The following CRACD variants were observed in gnomAD, a reference collection of about 807,000 sequenced individuals.
CRACD encodes capping protein inhibiting regulator of actin dynamics, also known as capping protein-inhibiting regulator of actin dynamics.
Under a neutral mutation model 106.8 loss-of-function variants are expected in CRACD, and 56 were observed. That is an observed-to-expected ratio of 0.52 (90% confidence interval 0.42 to 0.66). The LOEUF (loss-of-function observed/expected upper bound fraction) is 0.66. Among genes scored for constraint, CRACD ranks in the 30% least tolerant of loss-of-function variants. The pLI is 0.00. For missense variants in CRACD, 1,730 were observed against 1,623.2 expected (o/e 1.07, Z -1.13); for synonymous variants, 754 against 670.8 (o/e 1.12, Z -1.92).
chr4:56,202,985 A>G (rs9685731), intron 2 of CRACD, among the ~76,000 whole-genome samples: 144,116 of 152,296 alleles, frequency 0.95, 68,292 homozygotes, highest in East Asian at 1. Context: ...GAATTAGTTG[A>G]GGGGATATGT....
chr4:56,139,844 C>T (rs1735132725), intron 1 of CRACD, among the ~76,000 whole-genome samples: 1 of 151,934 alleles, frequency 6.6e-6, no homozygotes, highest in Admixed American at 6.6e-5. Context: ...GAAAAAAATC[C>T]GTAACTATTC....
intron 1 of CRACD, among the ~76,000 whole-genome samples, chr4:56,123,802 A>G (rs1366812438): frequency 1.3e-5 from 2 of 152,180 alleles, no homozygotes; most frequent in East Asian, 1.9e-4. Context: ...TAAGTTCTAG[A>G]GATGCTGGAA....
At chr4:56,269,959 T>C (rs1412674461) in intron 2 of CRACD, among the ~76,000 whole-genome samples, 1 of 152,154 alleles carries the variant, frequency 6.6e-6, no homozygotes, top group East Asian at 1.9e-4. Flanking sequence ...TAAAAATAAT[T>C]TAACTCTTTT....
At chr4:56,057,801 TTTTTTTTTTTTTG>T (rs1732131510) in intron 1 of CRACD, among the ~76,000 whole-genome samples, 3 of 100,872 alleles carry the variant, frequency 3.0e-5, no homozygotes, top group Admixed American at 2.8e-4. Context: ...TTTTTTGTAT[TTTTTTTTTTTTTG>T]TTTTTTTTTT....
At chr4:56,293,301 A>G (rs1395957565) in intron 3 of CRACD, among the ~76,000 whole-genome samples, 1 of 152,188 alleles carries the variant, frequency 6.6e-6, no homozygotes, top group Non-Finnish European at 1.5e-5. Flanking sequence ...AAGGCTGAGA[A>G]TTTTCCAAAG....
At position 56,289,494 on chromosome 4, in the gene CRACD, A is replaced by T. The variant is rs189397648; in HGVS notation, c.-16-8720A>T. On this transcript the variant is annotated intron_variant, in intron 3 of 10. Coordinates refer to ENST00000682029, the MANE Select transcript of CRACD (RefSeq NM_001393381.1). ...TGAGACCAGCCTGGGCAACATGGCA[A>T]GATCCCATCTTTATGAAAAAAATAA... 3.5e-4 allele frequency among the ~76,000 whole-genome samples: 54 copies of T among 152,186 alleles called. No homozygotes were observed. The East Asian group carries it at 7.2e-3, about 20-fold the overall frequency.
In CRACD at chr4:56,275,824, C is replaced by G. The variant is rs111438938; in HGVS notation, c.-17+3332C>G. ...AGGTTACAAGAAGGTAGATTTCAGCCCAATGTGAGGGAGAATTTCCTAATT... is the reference window on the plus strand; with the variant it reads ...AGGTTACAAGAAGGTAGATTTCAGCGCAATGTGAGGGAGAATTTCCTAATT... On this transcript the variant is annotated intron_variant, in intron 3 of 10. Transcript: ENST00000682029. Among the ~76,000 whole-genome samples, 225 of 152,214 alleles carry G rather than the reference C, an allele frequency of 1.5e-3. 2 individuals are homozygous for G. Among genetic ancestry groups the G allele is most frequent in the African/African-American group, 5.3e-3 (218 of 41,518 alleles).
intron 10 of CRACD, among the ~76,000 whole-genome samples, chr4:56,326,903 C>G (rs1393136125): frequency 6.6e-6 from 1 of 152,078 alleles, no homozygotes; most frequent in Non-Finnish European, 1.5e-5. Context: ...ACAAGCCTGG[C>G]TACTTTTTGT....
chr4:56,301,533 A>T (rs1744367763), intron 4 of CRACD, among the ~76,000 whole-genome samples: 1 of 152,142 alleles, frequency 6.6e-6, no homozygotes, highest in Non-Finnish European at 1.5e-5. Context: ...CACCATTATT[A>T]AGACATTCTT....
At chr4:56,238,009 C>T (rs1057226200) in intron 2 of CRACD, among the ~76,000 whole-genome samples, 5 of 151,896 alleles carry the variant, frequency 3.3e-5, no homozygotes, top group African/African-American at 1.2e-4. Flanking sequence ...TTTATCTATC[C>T]ATCCAGATAT....
chr4:56,304,272 C>A (rs1263770509), intron 4 of CRACD, among the ~76,000 whole-genome samples: 1 of 151,190 alleles, frequency 6.6e-6, no homozygotes, highest in African/African-American at 2.4e-5. Flanking sequence ...TTTCATTTCT[C>A]TGCTTTGCAC....
intron 1 of CRACD, among the ~76,000 whole-genome samples, chr4:56,130,407 A>G (rs2127197): frequency 0.28 from 42,554 of 152,036 alleles, 6,240 homozygotes; most frequent in East Asian, 0.45. Flanking sequence ...ATTTTAATAT[A>G]TTTATCTTCT....
At chr4:56,294,678 C>T (rs1199513173) in intron 3 of CRACD, among the ~76,000 whole-genome samples, 2 of 151,964 alleles carry the variant, frequency 1.3e-5, no homozygotes, top group African/African-American at 4.8e-5. Flanking sequence ...CTTTGGGAGG[C>T]CAAGGTGGGC....
intron 2 of CRACD, among the ~76,000 whole-genome samples, chr4:56,187,779 A>T (rs1737148011): frequency 6.6e-6 from 1 of 152,096 alleles, no homozygotes; most frequent in Admixed American, 6.6e-5. Flanking sequence ...CCTCCCACGG[A>T]TAAGGCACTG....
At chr4:56,274,280 G>T (rs111840810) in intron 3 of CRACD, among the ~76,000 whole-genome samples, 1 of 152,134 alleles carries the variant, frequency 6.6e-6, no homozygotes, top group South Asian at 2.1e-4. Flanking sequence ...TTGGCCTCAC[G>T]GTATCAGGAT....
At chr4:56,261,969 A>G (rs1258560953) in intron 2 of CRACD, among the ~76,000 whole-genome samples, 2 of 152,336 alleles carry the variant, frequency 1.3e-5, no homozygotes, top group South Asian at 2.1e-4. Context: ...AACCACAGGG[A>G]TTATGGGGAA....
chr4:56,146,715 G>C (rs1035638599), intron 1 of CRACD, among the ~76,000 whole-genome samples: 3 of 151,952 alleles, frequency 2.0e-5, no homozygotes, highest in African/African-American at 4.8e-5. Context: ...CAGCATTATT[G>C]AGATAGAATT....
chr4:56,242,762 A>G (rs1740440812), intron 2 of CRACD, among the ~76,000 whole-genome samples: 1 of 152,170 alleles, frequency 6.6e-6, no homozygotes, highest in Non-Finnish European at 1.5e-5. Context: ...CTGCCACTGC[A>G]TAAAACCAGA....
At chr4:56,313,092 GC>G in intron 6 of CRACD, 104 bp from the exon 7 acceptor site, 1 of 994,562 alleles carries the variant, frequency 1.0e-6, no homozygotes, top group Non-Finnish European at 1.5e-6. Flanking sequence ...CATTCCCTGG[GC>G]CAGGCTGGGC....
Sources: allele counts gnomAD v4.1 joint callset (sites outside exome capture counted in the v4.1 genomes callset), GRCh38; gene constraint gnomAD v4.1.1; transcripts MANE v1.5; gene names NCBI Gene and HGNC (gene_info 2026-07-23, HGNC 2026-07-21).